Variants in RFC3 observed in about 807,000 individuals in gnomAD.
RFC3 encodes A1 38 kDa subunit.
RFC3 carries 41 observed loss-of-function variants against 45.1 expected under a neutral mutation model. The observed-to-expected ratio is 0.91, with a 90% CI of 0.71 to 1.18. The LOEUF is 1.18. RFC3 is among the 50% of genes most tolerant of loss of function. RFC3 has a pLI of 0.00. For missense variants in RFC3, 423 were observed against 428.1 expected (o/e 0.99, Z 0.10); for synonymous variants, 149 against 144.0 (o/e 1.03, Z -0.25).
Position 33,953,906 on chromosome 13 carries a change from A to G in RFC3, c.880-12181A>G, listed in dbSNP as rs565643326. On this transcript the variant is annotated intron_variant, in intron 8 of 8. Transcript: ENST00000434425. ...AGGTAACATATACAGTGTTAAGCAGAGTTTTACTAATTGGAGAATTTTACT... is the reference window on the plus strand; with the variant it reads ...AGGTAACATATACAGTGTTAAGCAGGGTTTTACTAATTGGAGAATTTTACT... Among the ~76,000 whole-genome samples, 6 of 152,340 alleles carry G rather than the reference A, an allele frequency of 3.9e-5. No individual in the cohort carries two copies. In the South Asian group the frequency reaches 1.2e-3, roughly 32 times the overall value.
chr13:33,963,061 T>C (rs577855284), intron 8 of RFC3, among the ~76,000 whole-genome samples: 1 of 152,236 alleles, frequency 6.6e-6, no homozygotes, highest in South Asian at 2.1e-4. Context: ...GAAAGTCTTA[T>C]TACCACAGGT....
chr13:33,822,175 C>T (rs891381964), intron 2 of RFC3, among the ~76,000 whole-genome samples: 5 of 152,012 alleles, frequency 3.3e-5, no homozygotes, highest in African/African-American at 9.7e-5. Context: ...TGTGGAAATT[C>T]GTATAAATAT....
At chr13:33,841,160 ACT>A (rs1240349205), downstream of RFC3, among the ~76,000 whole-genome samples, 2 of 151,998 alleles carry the variant, frequency 1.3e-5, no homozygotes, top group East Asian at 1.9e-4. Flanking sequence ...TCCTTATGAG[ACT>A]CTAATGCCTG....
At chr13:33,950,052 CCT>C (rs946214935) in intron 8 of RFC3, among the ~76,000 whole-genome samples, 97 of 127,402 alleles carry the variant, frequency 7.6e-4, no homozygotes, top group Admixed American at 1.1e-3. Flanking sequence ...TCTCTTTCTC[CCT>C]CTCTCTCTCT....
chr13:33,857,544 A>C (rs2082315493), intron 8 of RFC3, among the ~76,000 whole-genome samples: 1 of 152,202 alleles, frequency 6.6e-6, no homozygotes, highest in Non-Finnish European at 1.5e-5. Context: ...GTTTAAGCCC[A>C]ATGAATTAAG....
At chr13:33,825,684 G>A in intron 3 of RFC3, 105 bp from the exon 4 acceptor site, 1 of 499,222 alleles carries the variant, frequency 2.0e-6, no homozygotes, top group East Asian at 3.4e-5. Context: ...ATAGTTAAGT[G>A]ATATTAATTT....
chr13:33,898,506 G>A (rs929025051), intron 8 of RFC3, among the ~76,000 whole-genome samples: 7 of 151,952 alleles, frequency 4.6e-5, no homozygotes, highest in East Asian at 1.9e-4. Flanking sequence ...TACCGAAAAA[G>A]CAGTGTTAAG....
intron 8 of RFC3, among the ~76,000 whole-genome samples, chr13:33,945,868 G>A (rs1404479340): frequency 6.6e-6 from 1 of 152,170 alleles, no homozygotes; most frequent in Non-Finnish European, 1.5e-5. Flanking sequence ...CCCTTTCTAA[G>A]GCGGGACATC....
chr13:33,963,234 G>A (rs144366902), intron 8 of RFC3, among the ~76,000 whole-genome samples: 28 of 151,998 alleles, frequency 1.8e-4, no homozygotes, highest in African/African-American at 5.8e-4. Flanking sequence ...TTTTGTTTTC[G>A]TTTTTATTTT....
At chr13:33,919,228 G>C (rs891750769) in intron 8 of RFC3, among the ~76,000 whole-genome samples, 1 of 151,916 alleles carries the variant, frequency 6.6e-6, no homozygotes, top group Non-Finnish European at 1.5e-5. Flanking sequence ...TTATCTTTTT[G>C]TATTTCTAAT....
At chr13:33,883,791 A>G (rs1359785368) in intron 8 of RFC3, among the ~76,000 whole-genome samples, 1 of 152,210 alleles carries the variant, frequency 6.6e-6, no homozygotes, top group Non-Finnish European at 1.5e-5. Context: ...CAGAGCGTGG[A>G]GAGTGGGAGG....
In RFC3 at chr13:33,831,272, G is replaced by C; in HGVS notation, c.727G>C (p.Asp243His). The C allele has an allele frequency of 1.2e-6, 2 of 1,603,670 alleles. No individual in the cohort carries two copies. Among genetic ancestry groups the C allele is most frequent in the Non-Finnish European group, 1.7e-6 (2 of 1,170,528 alleles). ...CRVQQYPFTADQEIPETDWEV... is the reference protein window; with the variant it reads ...CRVQQYPFTAHQEIPETDWEV... ...GTCATGTAGATATCCTTTTACTGCA[G>C]ATCAAGAAATCCCTGAGACAGATTG... The change falls in exon 7 of 9, where the codon GAT (aspartate) becomes CAT (histidine). Residue 243 changes from aspartate to histidine, a missense_variant. Asp to His is a moderately conservative substitution (Grantham distance 81). Coordinates refer to ENST00000380071, the MANE Select transcript of RFC3 (RefSeq NM_002915.4).
intron 8 of RFC3, among the ~76,000 whole-genome samples, chr13:33,911,380 A>G (rs1387795361): frequency 1.3e-5 from 2 of 152,076 alleles, no homozygotes; most frequent in African/African-American, 4.8e-5. Flanking sequence ...TCCATGACTT[A>G]TACTCTTTCT....
At chr13:33,912,357 A>G (rs1443834552) in intron 8 of RFC3, among the ~76,000 whole-genome samples, 1 of 152,114 alleles carries the variant, frequency 6.6e-6, no homozygotes, top group Non-Finnish European at 1.5e-5. Context: ...TGACTGCAAA[A>G]TAGTGTGACA....
At chr13:33,819,537 A>G (rs1174861065) in intron 1 of RFC3, among the ~76,000 whole-genome samples, 2 of 152,188 alleles carry the variant, frequency 1.3e-5, no homozygotes, top group East Asian at 3.8e-4. Context: ...TCATTAGACT[A>G]GTTGATAGTG....
At position 33,836,282 on chromosome 13, in the gene RFC3, G is replaced by A. The variant is rs754655089; in HGVS notation, c.1058G>A (p.Gly353Asp). 3.1e-6 allele frequency: 5 copies of A among 1,612,586 alleles called. No individual in the cohort carries two copies. In the African/African-American group the frequency reaches 4.0e-5, roughly 13 times the overall value. ...YKKFMEDGLE[G>D]MMF ...AAGTTCATGGAGGATGGATTGGAAG[G>A]CATGATGTTCTGACTTCTGTCAGTT... Residue 353 changes from glycine to aspartate, a missense_variant, in exon 9 of 9, where the codon GGC (glycine) becomes GAC (aspartate). Gly to Asp is a moderately conservative substitution (Grantham distance 94). Transcript: ENST00000380071.
chr13:33,848,729 T>C (rs1050236913), intron 8 of RFC3: 4 of 152,098 alleles, frequency 2.6e-5, no homozygotes, highest in Non-Finnish European at 4.4e-5. Context: ...TGGCTAGGTA[T>C]ACTCAGATGA....
At position 33,821,134 on chromosome 13, in the gene RFC3, G is replaced by T. The variant is rs781422585; in HGVS notation, c.90G>T (p.Val30=). Residue 30 remains valine, a splice_region_variant and synonymous_variant, in exon 2 of 9, where the codon GTG becomes GTT. Coordinates refer to ENST00000380071, the MANE Select transcript of RFC3 (RefSeq NM_002915.4). The part of the protein sequence containing the change: ...KEQAAQLRNL[V]QCGDFPHLLV... ...AATGCCTTGTTCTTTTTTTTCAGGT[G>T]CAGTGTGGTGACTTTCCTCATCTGT... The T allele has an allele frequency of 6.2e-7, 1 of 1,612,436 alleles. No individual in the cohort carries two copies. Among genetic ancestry groups the T allele is most frequent in the East Asian group, 2.2e-5 (1 of 44,852 alleles).
rs1415365310 is a variant in RFC3 at position 33,818,208 on chromosome 13, C to G, written c.30C>G (p.Pro10=). ...GCCTCTGGGTGGACAAGTATCGGCC[C>G]TGCTCCTTGGGACGGCTGGACTATC... MSLWVDKYR[P]CSLGRLDYHK... Residue 10 remains proline (P), a synonymous_variant, in exon 1 of 9, where the codon CCC becomes CCG. Coordinates refer to ENST00000380071, the MANE Select transcript of RFC3 (RefSeq NM_002915.4). 6.2e-7 allele frequency: 1 copy of G among 1,613,582 alleles called. No individual in the cohort carries two copies. Among genetic ancestry groups the G allele is most frequent in the Non-Finnish European group, 8.5e-7 (1 of 1,179,998 alleles).
Sources: allele counts gnomAD v4.1 joint callset (sites outside exome capture counted in the v4.1 genomes callset), GRCh38; gene constraint gnomAD v4.1.1; transcripts MANE v1.5; gene names NCBI Gene and HGNC (gene_info 2026-07-23, HGNC 2026-07-21).